The following DIP2C variants were observed in gnomAD, a reference collection of about 807,000 sequenced individuals.
DIP2C encodes DIP2 acetate--CoA ligase C (putative).
DIP2C carries 33 observed loss-of-function variants against 192.4 expected under a neutral mutation model. That is an observed-to-expected ratio of 0.17 (90% CI 0.13 to 0.23). DIP2C has a LOEUF of 0.23. Ranked by LOEUF, DIP2C falls within the 10% of genes least tolerant of loss-of-function variation. The pLI, the probability that DIP2C is intolerant of heterozygous loss-of-function variation, is 1.00. For synonymous variants in DIP2C, 979 were observed against 864.1 expected (o/e 1.13, Z -2.33); for missense variants, 1,537 against 2,110.1 (o/e 0.73, Z 5.32).
At chr10:503,536 G>C (rs1052835803) in intron 1 of DIP2C, among the ~76,000 whole-genome samples, 29 of 152,198 alleles carry the variant, frequency 1.9e-4, no homozygotes, top group African/African-American at 5.8e-4. Flanking sequence ...GAAAACCATG[G>C]AAGTGTTCCT....
intron 10 of DIP2C, among the ~76,000 whole-genome samples, chr10:392,056 C>T (rs145602666): frequency 2.1e-4 from 32 of 152,290 alleles, no homozygotes; most frequent in African/African-American, 7.0e-4. Flanking sequence ...GGGAGCTCTG[C>T]GGACAGATGG....
chr10:619,138 C>T (rs1401640990), intron 1 of DIP2C, among the ~76,000 whole-genome samples: 1 of 152,154 alleles, frequency 6.6e-6, no homozygotes, highest in East Asian at 1.9e-4. Context: ...TTCAGTAAAA[C>T]TGCAGTTCCC....
chr10:571,452 T>TC (rs1050549713), intron 1 of DIP2C, among the ~76,000 whole-genome samples: 30 of 151,176 alleles, frequency 2.0e-4, no homozygotes, highest in South Asian at 4.2e-4. Flanking sequence ...CCCTCTCTCT[T>TC]CCTCTCCTCC....
In DIP2C at chr10:423,209, A is replaced by G. The variant is rs545645385; in HGVS notation, c.395-176T>C. On this transcript the variant is annotated intron_variant, in intron 4 of 36. Coordinates refer to ENST00000280886, the MANE Select transcript of DIP2C (RefSeq NM_014974.3). ...CAGATAATAAACCATTTATTTTAGCATAATGAGTTTTTCATCCAACACACC... is the reference window on the plus strand; with the variant it reads ...CAGATAATAAACCATTTATTTTAGCGTAATGAGTTTTTCATCCAACACACC... Among the ~76,000 whole-genome samples the G allele has an allele frequency of 3.9e-5, 6 of 152,376 alleles. No homozygotes were observed. The East Asian group carries it at 1.2e-3, about 29-fold the overall frequency.
At chr10:377,384 C>G (rs1241769641) in intron 17 of DIP2C, among the ~76,000 whole-genome samples, 2 of 152,192 alleles carry the variant, frequency 1.3e-5, no homozygotes, top group Non-Finnish European at 2.9e-5. Context: ...TAATTCACCA[C>G]AAAACAGAAC....
At chr10:558,674 C>CA (rs1480246421) in intron 1 of DIP2C, among the ~76,000 whole-genome samples, 4 of 152,210 alleles carry the variant, frequency 2.6e-5, no homozygotes, top group Admixed American at 2.6e-4. Context: ...TGTGGACCAA[C>CA]ATCTCGGAAA....
At chr10:351,804 C>T (rs1958826104) in intron 24 of DIP2C, among the ~76,000 whole-genome samples, 1 of 152,144 alleles carries the variant, frequency 6.6e-6, no homozygotes, top group Non-Finnish European at 1.5e-5. Flanking sequence ...TTCACAGCAA[C>T]CAGCCCACCG....
At chr10:341,908 GAAC>G (rs539852255) in intron 28 of DIP2C, among the ~76,000 whole-genome samples, 146 of 152,254 alleles carry the variant, frequency 9.6e-4, no homozygotes, top group African/African-American at 3.3e-3. Context: ...AAACCCAAAA[GAAC>G]AACAAATGCA....
intron 1 of DIP2C, among the ~76,000 whole-genome samples, chr10:495,570 C>CAA (rs11326825): frequency 1.4e-5 from 2 of 139,596 alleles, no homozygotes; most frequent in South Asian, 2.3e-4. Flanking sequence ...TCTCAGTGAA[C>CAA]AAAAAAAAAA....
At position 329,604 on chromosome 10, in the gene DIP2C, G is replaced by A. The variant is rs865815235; in HGVS notation, c.3585-3C>T. The A allele has an allele frequency of 1.9e-6, 3 of 1,613,554 alleles. No individual in the cohort carries two copies. The highest frequency in any genetic ancestry group is 2.2e-5 in the East Asian group (1 of 44,876). On this transcript the variant is annotated splice_polypyrimidine_tract_variant and splice_region_variant and intron_variant, in intron 29 of 36. Coordinates refer to ENST00000280886, the MANE Select transcript of DIP2C (RefSeq NM_014974.3). ...TGGACTGGTGCCCAGAATACACACT[G>A]CAGAGAAAGAAGAGGCTGTCAGGGC...
intron 32 of DIP2C, among the ~76,000 whole-genome samples, chr10:302,820 C>T (rs1377413326): frequency 6.6e-6 from 1 of 152,162 alleles, no homozygotes; most frequent in Non-Finnish European, 1.5e-5. Flanking sequence ...GGGAACTTAC[C>T]CATAAACAGA....
rs1200937214 is a variant in DIP2C at position 486,472 on chromosome 10, A to C, written c.144T>G (p.Leu48=). 6.2e-7 allele frequency: 1 copy of C among 1,602,104 alleles called. No homozygotes were observed. ...KKRSKLIGAY[L]PQPPRVDQAL... The stretch of plus-strand genomic sequence containing the variant: ...GGGGTTACCTACTCGGAGGCTGCGG[A>C]AGGTAGGCTCCAATTAACTTTGACC... The change falls in exon 2 of 37, where the codon CTT becomes CTG. Residue 48 remains leucine (L), a synonymous_variant. Coordinates refer to ENST00000280886, the MANE Select transcript of DIP2C (RefSeq NM_014974.3).
chr10:473,156 T>C (rs1970772445), intron 2 of DIP2C, among the ~76,000 whole-genome samples: 1 of 152,202 alleles, frequency 6.6e-6, no homozygotes, highest in African/African-American at 2.4e-5. Flanking sequence ...AAAACATTAA[T>C]GCGGTCAGAT....
intron 1 of DIP2C, among the ~76,000 whole-genome samples, chr10:590,067 T>C (rs114875577): frequency 6.1e-4 from 93 of 152,192 alleles, no homozygotes; most frequent in African/African-American, 2.2e-3. Context: ...ACAGGGCCTG[T>C]GGGAAATGGA....
At chr10:542,850 C>T (rs1224597880) in intron 1 of DIP2C, among the ~76,000 whole-genome samples, 1 of 151,944 alleles carries the variant, frequency 6.6e-6, no homozygotes, top group Non-Finnish European at 1.5e-5. Context: ...CTTCTCTATA[C>T]CACAGATCAT....
At chr10:422,772 C>CAT in intron 5 of DIP2C, 52 bp downstream of exon 5, 1 of 1,570,220 alleles carries the variant, frequency 6.4e-7, no homozygotes, top group Non-Finnish European at 8.6e-7. Flanking sequence ...AATGTGCACA[C>CAT]ACAAAGGCGT....
intron 1 of DIP2C, among the ~76,000 whole-genome samples, chr10:492,381 T>TGC (rs1290316384): frequency 1.3e-5 from 2 of 152,202 alleles, no homozygotes; most frequent in Admixed American, 6.5e-5. Flanking sequence ...GCACCTGCTG[T>TGC]GCCCATCACC....
intron 8 of DIP2C, 94 bp from the exon 9 acceptor site, chr10:409,111 T>C: frequency 1.6e-6 from 2 of 1,285,096 alleles, no homozygotes; most frequent in Non-Finnish European, 2.2e-6. Context: ...TCCATTCTGC[T>C]TCCTGCGTAT....
At chr10:675,537 T>G (rs1830844307) in intron 1 of DIP2C, among the ~76,000 whole-genome samples, 2 of 150,690 alleles carry the variant, frequency 1.3e-5, no homozygotes, top group African/African-American at 4.9e-5. Context: ...TTAGCTACAC[T>G]AAGAAAAAAA....
Sources: gnomAD v4.1 joint callset for allele counts (sites outside exome capture counted in the v4.1 genomes callset) on GRCh38, gnomAD v4.1.1 for gene constraint, MANE v1.5 for transcripts, NCBI Gene and HGNC (gene_info 2026-07-23, HGNC 2026-07-21) for gene names.